The following CAPN7 variants were observed in gnomAD, a reference collection of about 807,000 sequenced individuals.
The protein encoded by CAPN7 is calpain-7.
Under a neutral mutation model 115.2 loss-of-function variants are expected in CAPN7, and 72 were observed. That is an observed-to-expected ratio of 0.63 (90% confidence interval 0.52 to 0.76). CAPN7 has a LOEUF of 0.76. Among genes scored for constraint, CAPN7 ranks in the 30% least tolerant of loss-of-function variants. The probability of loss-of-function intolerance (pLI) is 0.00; values close to 1 mark genes in which losing one functional copy is unlikely to be tolerated. For synonymous variants in CAPN7, 344 were observed against 322.3 expected, an observed-to-expected ratio of 1.07 and a Z score of -0.72; for missense variants, 905 against 971.5, an observed-to-expected ratio of 0.93 and a Z score of 0.91.
chr3:15,222,536 T>C (rs1252781968), intron 5 of CAPN7, among the ~76,000 whole-genome samples: 1 of 152,214 alleles, frequency 6.6e-6, no homozygotes, highest in African/African-American at 2.4e-5. Flanking sequence ...TGCTGAAGAT[T>C]GTAATTGTAC....
chr3:15,243,905 T>C (rs1695503451), intron 16 of CAPN7, among the ~76,000 whole-genome samples: 1 of 152,188 alleles, frequency 6.6e-6, no homozygotes, highest in South Asian at 2.1e-4. Context: ...TATTTACTTT[T>C]GTAACAAACA....
Position 15,233,885 on chromosome 3 carries a change from C to A in CAPN7, c.1198C>A (p.Leu400Met). The change falls in exon 11 of 21, where the codon CTG (leucine) becomes ATG (methionine). Residue 400 changes from leucine (L) to methionine (M), a missense_variant. This residue lies in a region of CAPN7 where 620 missense variants were observed against 703.4 expected (regional missense o/e 0.88). Coordinates refer to ENST00000253693, the MANE Select transcript of CAPN7 (RefSeq NM_014296.3). The stretch of plus-strand genomic sequence containing the variant: ...GTTGCAGAATATTGATCTTCATGCA[C>A]TGACTGGCTGGATACCAGAAAGAAT... ...GSNSNIDLHA[L>M]TGWIPERIAM... 6.3e-7 allele frequency: 1 copy of A among 1,598,800 alleles called. No homozygotes were observed. Among genetic ancestry groups the A allele is most frequent in the Non-Finnish European group, 8.6e-7 (1 of 1,167,214 alleles).
At position 15,251,384 on chromosome 3, in the gene CAPN7, C is replaced by G; in HGVS notation, c.*124C>G. ...GAATTAAATCTCTAAAAACGTGTTA[C>G]AGTGGAATCTGGTGCTTGTCAGGGT... On this transcript the variant is annotated 3_prime_UTR_variant, in exon 21 of 21. Coordinates refer to ENST00000253693, the MANE Select transcript of CAPN7 (RefSeq NM_014296.3). 1 of 820,628 alleles carries G rather than the reference C, an allele frequency of 1.2e-6. No individual in the cohort carries two copies. The highest frequency in any genetic ancestry group is 2.6e-5 in the East Asian group (1 of 39,156). 50.8% of individuals were successfully genotyped at this position (820,628 alleles called of 1,614,324 possible).
At chr3:15,245,341 T>G (rs1345801741) in intron 16 of CAPN7, among the ~76,000 whole-genome samples, 185 bp from the exon 17 acceptor site, 3 of 152,038 alleles carry the variant, frequency 2.0e-5, no homozygotes, top group Non-Finnish European at 4.4e-5. Context: ...AAGATTATTT[T>G]TGTTTATTAG....
intron 6 of CAPN7, among the ~76,000 whole-genome samples, chr3:15,226,808 C>G (rs1694344050): frequency 6.6e-6 from 1 of 151,840 alleles, no homozygotes; most frequent in South Asian, 2.1e-4. Flanking sequence ...GTAGATCATA[C>G]TTGACCACAA....
At chr3:15,220,192 G>T (rs140367859) in intron 4 of CAPN7, among the ~76,000 whole-genome samples, 46 of 151,232 alleles carry the variant, frequency 3.0e-4, no homozygotes, top group African/African-American at 9.9e-4. Context: ...AGAGTGAAAC[G>T]CCGTCTCAAA....
At chr3:15,246,456 A>G (rs1695663823) in intron 17 of CAPN7, 2 of 382,516 alleles carry the variant, frequency 5.2e-6, no homozygotes, top group South Asian at 7.2e-5. Context: ...TGAAAGGGAC[A>G]TTGGGAGCTG....
chr3:15,230,667 A>G (rs1694631602), intron 9 of CAPN7, 132 bp downstream of exon 9: 1 of 558,584 alleles, frequency 1.8e-6, no homozygotes, highest in African/African-American at 1.9e-5. Context: ...ATTATATATT[A>G]CTACCAGTAG....
Position 15,251,233 on chromosome 3 carries a change from C to T in CAPN7, c.2415C>T (p.Ile805=), listed in dbSNP as rs146398101. The change falls in exon 21 of 21, where the codon ATC becomes ATT. Residue 805 remains isoleucine (I), a synonymous_variant. Transcript: ENST00000253693. ...TTTTCTTGGACTTTAATAGTATTAT[C>T]CCCATCAAGATCACACAACTTCAGT... ...GPFFLDFNSI[I]PIKITQLQ The T allele has an allele frequency of 2.1e-5, 34 of 1,603,176 alleles. No homozygotes were observed. In the South Asian group the frequency reaches 3.7e-4, roughly 18 times the overall value.
At position 15,210,596 on chromosome 3, in the gene CAPN7, C is replaced by CTTTTTTT. The variant is rs371169868; in HGVS notation, c.103-1497_103-1491dup. ...TTTTCATTCCTTCCTTGCTTCCTTC[C>CTTTTTTT]TTTTTTTTTTTTTTTTTGGACAGTA... On this transcript the variant is annotated intron_variant, in intron 1 of 20. Transcript: ENST00000253693. Among the ~76,000 whole-genome samples the CTTTTTTT allele has an allele frequency of 1.2e-3, 126 of 104,418 alleles. 11 individuals carry two copies. Among genetic ancestry groups the CTTTTTTT allele is most frequent in the African/African-American group, 7.2e-3 (118 of 16,472 alleles). 68.5% of individuals were successfully genotyped at this position (104,418 alleles called of 152,430 possible). A position where few individuals can be genotyped will look rare whatever the true frequency, so the allele number is the denominator to read the frequency against.
At position 15,245,664 on chromosome 3, in the gene CAPN7, CG is replaced by C; in HGVS notation, c.2005del (p.Val669PhefsTer53). ...QYEKQNTIHY[T>X]VRVYSACSFT... Reference sequence around the variant, plus strand: ...GAAAAACAGAACACAATCCATTACACGGTTCGGGTAAGTAAAACCAACACAC... The same window carrying C: ...GAAAAACAGAACACAATCCATTACACGTTCGGGTAAGTAAAACCAACACAC... On this transcript the variant is annotated frameshift_variant, in exon 17 of 21. Coordinates refer to ENST00000253693, the MANE Select transcript of CAPN7 (RefSeq NM_014296.3). LOFTEE classifies it high-confidence loss of function. 1 of 1,612,754 alleles carries C rather than the reference CG, an allele frequency of 6.2e-7. No homozygotes were observed. Among genetic ancestry groups the C allele is most frequent in the Non-Finnish European group, 8.5e-7 (1 of 1,179,444 alleles).
At chr3:15,230,031 T>C (rs528147572) in intron 8 of CAPN7, among the ~76,000 whole-genome samples, 1 of 152,338 alleles carries the variant, frequency 6.6e-6, no homozygotes, top group Admixed American at 6.5e-5. Flanking sequence ...TGTTGAAGTA[T>C]GTTACTGTAT....
intron 4 of CAPN7, among the ~76,000 whole-genome samples, chr3:15,219,977 A>C (rs1174261413): frequency 2.6e-5 from 4 of 152,202 alleles, no homozygotes; most frequent in Admixed American, 2.6e-4. Flanking sequence ...GAGGTGGACG[A>C]ATCACCTGAG....
chr3:15,243,445 A>G (rs1695470006), intron 16 of CAPN7, among the ~76,000 whole-genome samples: 1 of 152,182 alleles, frequency 6.6e-6, no homozygotes, highest in Non-Finnish European at 1.5e-5. Context: ...TCAGGAGCAT[A>G]TAGATGGAGT....
chr3:15,250,671 CAA>C (rs974242582), intron 19 of CAPN7, among the ~76,000 whole-genome samples: 1 of 151,586 alleles, frequency 6.6e-6, no homozygotes, highest in East Asian at 1.9e-4. Flanking sequence ...GACTCTGTCT[CAA>C]AAAAAATAAA....
intron 5 of CAPN7, 146 bp downstream of exon 5, chr3:15,221,127 C>G: frequency 1.8e-6 from 1 of 567,352 alleles, no homozygotes; most frequent in East Asian, 3.0e-5. Context: ...CATGTAGTCA[C>G]AACTTGAAAT....
intron 1 of CAPN7, among the ~76,000 whole-genome samples, chr3:15,208,797 T>C (rs1276338344): frequency 1.3e-5 from 2 of 152,176 alleles, no homozygotes; most frequent in Non-Finnish European, 2.9e-5. Flanking sequence ...CACTCTCTTC[T>C]CTCCAATTCT....
intron 16 of CAPN7, among the ~76,000 whole-genome samples, chr3:15,245,206 A>C (rs1160211399): frequency 1.3e-5 from 2 of 152,064 alleles, no homozygotes; most frequent in African/African-American, 2.4e-5. Flanking sequence ...TCAAAAAAAA[A>C]ACTAATCCTG....
At chr3:15,207,733 C>A (rs1306639021) in intron 1 of CAPN7, among the ~76,000 whole-genome samples, 3 of 151,884 alleles carry the variant, frequency 2.0e-5, no homozygotes, top group Non-Finnish European at 4.4e-5. Context: ...TGTCTTCCAC[C>A]TCCAATCTTG....
Sources: gnomAD v4.1 joint callset for allele counts (sites outside exome capture counted in the v4.1 genomes callset) on GRCh38, gnomAD v4.1.1 for gene constraint, gnomAD v4.1.1 regional missense constraint, MANE v1.5 for transcripts, NCBI Gene and HGNC (gene_info 2026-07-23, HGNC 2026-07-21) for gene names.